FAM53A: variants seen among roughly 807,000 people sequenced by gnomAD.
FAM53A encodes the protein protein FAM53A.
In FAM53A, 28 loss-of-function variants were observed where a neutral mutation model predicts 26.6. That is an observed-to-expected ratio of 1.05 (90% CI 0.78 to 1.45). The LOEUF (loss-of-function observed/expected upper bound fraction) is 1.45. FAM53A is among the 40% of genes most tolerant of loss of function. FAM53A has a pLI of 0.00. For missense variants in FAM53A, 650 were observed against 575.8 expected, an observed-to-expected ratio of 1.13 and a Z score of -1.32; for synonymous variants, 290 against 253.1, an observed-to-expected ratio of 1.15 and a Z score of -1.38.
chr4:1,622,176 G>A (rs1715067957), intron 1 of FAM53A, among the ~76,000 whole-genome samples: 1 of 152,188 alleles, frequency 6.6e-6, no homozygotes, highest in African/African-American at 2.4e-5. Context: ...CCCAGACACG[G>A]TGCCGTTACA....
chr4:1,623,233 A>G (rs1184938653), intron 1 of FAM53A, among the ~76,000 whole-genome samples: 1 of 152,180 alleles, frequency 6.6e-6, no homozygotes, highest in Non-Finnish European at 1.5e-5. Flanking sequence ...GTCCAGCTGC[A>G]GGTGGACCCT....
intron 4 of FAM53A, among the ~76,000 whole-genome samples, chr4:1,643,090 C>T (rs1352510143): frequency 6.6e-6 from 1 of 152,232 alleles, no homozygotes; most frequent in Non-Finnish European, 1.5e-5. Context: ...TTCCTGGAAA[C>T]ACTTCCAGCG....
chr4:1,624,678 G>T (rs1436490436), intron 1 of FAM53A, among the ~76,000 whole-genome samples: 1 of 152,238 alleles, frequency 6.6e-6, no homozygotes, highest in Non-Finnish European at 1.5e-5. Flanking sequence ...CACCACGCCA[G>T]GTACCGCCAC....
chr4:1,661,909 G>A lies in FAM53A; in HGVS notation c.76-4441C>T, dbSNP rs115260941. 6.8e-3 allele frequency among the ~76,000 whole-genome samples: 1,041 copies of A among 152,204 alleles called. 11 individuals carry two copies. Among genetic ancestry groups the A allele is most frequent in the African/African-American group, 0.022 (927 of 41,506 alleles). The stretch of plus-strand genomic sequence containing the variant: ...CACCTCTTGGTGGCGCAGAGGAACC[G>A]CCGGACGGATCTCCAGGGAAGCATG... On this transcript the variant is annotated intron_variant, in intron 2 of 4. Transcript: ENST00000308132.
chr4:1,614,516 A>G (rs564277999), downstream of FAM53A, among the ~76,000 whole-genome samples: 135 of 151,270 alleles, frequency 8.9e-4, no homozygotes, highest in African/African-American at 3.2e-3. Flanking sequence ...AGGGGGATGC[A>G]GAGACGTGAG....
At chr4:1,670,037 G>A (rs763319226) in intron 1 of FAM53A, among the ~76,000 whole-genome samples, 1 of 152,178 alleles carries the variant, frequency 6.6e-6, no homozygotes, top group East Asian at 1.9e-4. Flanking sequence ...AGGCAGCACC[G>A]CTCAGGAGCA....
intron 2 of FAM53A, among the ~76,000 whole-genome samples, chr4:1,667,224 G>A (rs1048234547): frequency 5.3e-5 from 8 of 152,118 alleles, no homozygotes; most frequent in Non-Finnish European, 1.5e-5. Context: ...ACTTGAACCC[G>A]GGAGACGGAG....
chr4:1,627,179 G>C (rs1715344941), intron 1 of FAM53A, among the ~76,000 whole-genome samples: 1 of 152,158 alleles, frequency 6.6e-6, no homozygotes, highest in South Asian at 2.1e-4. Context: ...CAGCCAACCA[G>C]GTCCCCACCG....
chr4:1,586,299 T>C, the FAM53A span, among the ~76,000 whole-genome samples: 2 of 152,086 alleles, frequency 1.3e-5, no homozygotes, highest in East Asian at 1.9e-4. Flanking sequence ...GTTCAAGCGA[T>C]TCTCCTGACT....
At chr4:1,590,955 C>CATATATACATATATATATAT in the FAM53A span, among the ~76,000 whole-genome samples, 7 of 46,304 alleles carry the variant, frequency 1.5e-4, no homozygotes, top group Admixed American at 2.2e-4. Flanking sequence ...TTATTTAATG[C>CATATATACATATATATATAT]ATATATATAT....
upstream of FAM53A, among the ~76,000 whole-genome samples, chr4:1,684,876 T>G (rs979625596): frequency 5.9e-5 from 9 of 152,210 alleles, no homozygotes; most frequent in Admixed American, 3.3e-4. Context: ...GGGCTCCTTC[T>G]GGCGATAGGC....
the FAM53A span, among the ~76,000 whole-genome samples, chr4:1,609,669 A>G: frequency 1.3e-5 from 2 of 152,192 alleles, no homozygotes; most frequent in South Asian, 4.2e-4. Context: ...GAGTCAATTA[A>G]ACCTCTTTCC....
At chr4:1,594,456 A>AC in the FAM53A span, among the ~76,000 whole-genome samples, 1 of 151,840 alleles carries the variant, frequency 6.6e-6, no homozygotes, top group Non-Finnish European at 1.5e-5. Flanking sequence ...CACAAAAGGC[A>AC]CCCCCCACGG....
At chr4:1,602,596 G>A in the FAM53A span, among the ~76,000 whole-genome samples, 2 of 152,194 alleles carry the variant, frequency 1.3e-5, no homozygotes, top group African/African-American at 4.8e-5. Flanking sequence ...AATGTGGTTT[G>A]AAAAATTGAC....
At chr4:1,587,757 G>A in the FAM53A span, among the ~76,000 whole-genome samples, 1 of 152,114 alleles carries the variant, frequency 6.6e-6, no homozygotes, top group South Asian at 2.1e-4. Context: ...GATTTATCAG[G>A]GGGAATCTGT....
chr4:1,628,971 T>G (rs1244610955), intron 1 of FAM53A, among the ~76,000 whole-genome samples: 1 of 151,820 alleles, frequency 6.6e-6, no homozygotes, highest in Admixed American at 6.6e-5. Context: ...TGGGGCCCTG[T>G]GTGCCTTAAA....
the FAM53A span, among the ~76,000 whole-genome samples, chr4:1,607,091 T>C: frequency 4.6e-5 from 7 of 152,196 alleles, no homozygotes; most frequent in Non-Finnish European, 1.0e-4. Context: ...CGATCTCAGC[T>C]CACTGCAACC....
chr4:1,655,725 T>C lies in FAM53A; in HGVS notation c.137-2A>G. The C allele has an allele frequency of 1.3e-6, 2 of 1,551,032 alleles. No individual in the cohort carries two copies. The highest frequency in any genetic ancestry group is 1.7e-6 in the Non-Finnish European group (2 of 1,156,778). ...TGAAGACCTTCCAGGGACTCTGGTC[T>C]ACAAAAAAAGACACAAAGAGGCAGG... On this transcript the variant is annotated splice_acceptor_variant, in intron 3 of 4. Coordinates refer to ENST00000308132, the MANE Select transcript of FAM53A (RefSeq NM_001174070.3). LOFTEE classifies it high-confidence loss of function.
the FAM53A span, chr4:1,580,065 G>A: frequency 1.3e-5 from 2 of 152,218 alleles, no homozygotes; most frequent in Admixed American, 6.5e-5. Context: ...ATTTGTGCTG[G>A]TGAGATTAAA....
Sources: gnomAD v4.1 joint callset for allele counts (sites outside exome capture counted in the v4.1 genomes callset) on GRCh38, gnomAD v4.1.1 for gene constraint, MANE v1.5 for transcripts, NCBI Gene and HGNC (gene_info 2026-07-23, HGNC 2026-07-21) for gene names.